The following SRGAP3 variants were observed in gnomAD, a reference collection of about 807,000 sequenced individuals.
SRGAP3 encodes the protein SLIT-ROBO Rho GTPase-activating protein 3.
A neutral mutation model predicts 121.1 loss-of-function variants in SRGAP3; 39 were observed. That is an observed-to-expected ratio of 0.32 (90% CI 0.25 to 0.42). The LOEUF (loss-of-function observed/expected upper bound fraction) is 0.42. Ranked by LOEUF, SRGAP3 falls within the 10% of genes least tolerant of loss-of-function variation. The probability of loss-of-function intolerance (pLI) is 1.00; values close to 1 mark genes in which losing one functional copy is unlikely to be tolerated. For missense variants in SRGAP3, 1,213 were observed against 1,470.6 expected (o/e 0.82, Z 2.86); for synonymous variants, 601 against 570.0 (o/e 1.05, Z -0.77).
chr3:9,300,604 G>C lies in SRGAP3; in HGVS notation n.442+25406C>G, dbSNP rs562372963. ...GCCAGCAAAGCATGGCATATACCAA[G>C]CTCTTAAGATGTGTTCCAGGAAGGG... On this transcript the variant is annotated intron_variant and non_coding_transcript_variant, in intron 3 of 3. Coordinates refer to the SRGAP3 transcript ENST00000490889. Among the ~76,000 whole-genome samples the C allele has an allele frequency of 9.2e-5, 14 of 152,296 alleles. No homozygotes were observed. The South Asian group carries it at 2.5e-3, about 27-fold the overall frequency.
intron 2 of SRGAP3, among the ~76,000 whole-genome samples, chr3:9,121,749 A>T (rs554179622): frequency 6.6e-6 from 1 of 152,326 alleles, no homozygotes; most frequent in South Asian, 2.1e-4. Flanking sequence ...CCCTATGTGC[A>T]CACTGAGAAT....
chr3:9,121,572 C>T (rs1169123986), intron 2 of SRGAP3, among the ~76,000 whole-genome samples: 3 of 152,210 alleles, frequency 2.0e-5, no homozygotes, highest in Non-Finnish European at 4.4e-5. Flanking sequence ...CCTAATTAGA[C>T]TTTCATAGTG....
intron 1 of SRGAP3, among the ~76,000 whole-genome samples, chr3:9,203,377 T>C (rs952788009): frequency 2.6e-5 from 4 of 152,244 alleles, no homozygotes; most frequent in East Asian, 1.9e-4. Flanking sequence ...TATCTATACA[T>C]TGATAACTAA....
At chr3:9,072,210 G>A (rs1353099856) in intron 4 of SRGAP3, among the ~76,000 whole-genome samples, 7 of 152,088 alleles carry the variant, frequency 4.6e-5, no homozygotes, top group African/African-American at 9.7e-5. Context: ...TTCCCACCGC[G>A]CTAAGTGCTG....
At chr3:9,294,872 C>T (rs1954927454) in intron 3 of SRGAP3, among the ~76,000 whole-genome samples, 1 of 152,228 alleles carries the variant, frequency 6.6e-6, no homozygotes, top group African/African-American at 2.4e-5. Context: ...ATGCCAAATG[C>T]CAATAAAATA....
intron 9 of SRGAP3, among the ~76,000 whole-genome samples, chr3:9,050,290 G>A (rs1238191036): frequency 6.6e-6 from 1 of 152,214 alleles, no homozygotes; most frequent in African/African-American, 2.4e-5. Context: ...AAGCAGAGCT[G>A]AGGGGTAAGC....
chr3:9,328,321 C>T (rs555627561), intron 2 of SRGAP3, among the ~76,000 whole-genome samples: 4 of 152,106 alleles, frequency 2.6e-5, no homozygotes, highest in Admixed American at 1.3e-4. Flanking sequence ...AGTAGTTGTA[C>T]GATTTTTCAT....
intron 4 of SRGAP3, among the ~76,000 whole-genome samples, chr3:9,068,001 T>C (rs1035541779): frequency 6.6e-6 from 1 of 152,120 alleles, no homozygotes; most frequent in African/African-American, 2.4e-5. Context: ...GCTGCGGCTG[T>C]CTCCAGGACC....
At chr3:9,017,176 T>C (rs925875299) in intron 14 of SRGAP3, among the ~76,000 whole-genome samples, 3 of 152,200 alleles carry the variant, frequency 2.0e-5, no homozygotes, top group Admixed American at 6.5e-5. Flanking sequence ...GGTGTGCTCA[T>C]TGCTACAGAA....
At chr3:9,003,507 A>AAACAAACAAAC (rs1559885584) in intron 18 of SRGAP3, among the ~76,000 whole-genome samples, 3 of 75,046 alleles carry the variant, frequency 4.0e-5, no homozygotes, top group African/African-American at 1.6e-4. Flanking sequence ...AACAAACAAA[A>AAACAAACAAAC]AAATCACTAG....
At chr3:9,330,387 T>C (rs1268018039) in intron 2 of SRGAP3, 1 of 152,166 alleles carries the variant, frequency 6.6e-6, no homozygotes, top group Non-Finnish European at 1.5e-5. Context: ...CAAACCCAGT[T>C]TGGATCAGAA....
intron 1 of SRGAP3, among the ~76,000 whole-genome samples, chr3:9,244,275 A>G (rs1953748183): frequency 6.6e-6 from 1 of 152,146 alleles, no homozygotes; most frequent in African/African-American, 2.4e-5. Flanking sequence ...TGTGTCTCTC[A>G]CAACACTCAG....
intron 1 of SRGAP3, among the ~76,000 whole-genome samples, chr3:9,354,055 T>C (rs140443762): frequency 6.2e-4 from 94 of 152,260 alleles, no homozygotes; most frequent in Middle Eastern, 3.4e-3. Context: ...AATATATCCC[T>C]TACACTTAAA....
chr3:9,266,772 C>T (rs4684635), intron 3 of SRGAP3, among the ~76,000 whole-genome samples: 1 of 152,004 alleles, frequency 6.6e-6, no homozygotes, highest in Non-Finnish European at 1.5e-5. Flanking sequence ...GGCAATACCC[C>T]CTGTGAGGAG....
chr3:8,982,934 CA>C lies in SRGAP3; in HGVS notation c.*2584del. The C allele has an allele frequency of 4.4e-6, 1 of 226,548 alleles. No homozygotes were observed. Among genetic ancestry groups the C allele is most frequent in the Non-Finnish European group, 8.8e-6 (1 of 114,068 alleles). The allele number at this position is 226,548 out of a possible 1,614,324, so 14.0% of individuals were successfully genotyped here. A position where few individuals can be genotyped will look rare whatever the true frequency, so the allele number is the denominator to read the frequency against. On this transcript the variant is annotated 3_prime_UTR_variant, in exon 22 of 22. Coordinates refer to ENST00000383836, the MANE Select transcript of SRGAP3 (RefSeq NM_014850.4). Reference sequence around the variant, plus strand: ...AGGTCCATTTTCAGTAAGAAAAAAACAAAATCAGTCAATTCAGAGAAAAATC... The same window carrying C: ...AGGTCCATTTTCAGTAAGAAAAAAACAAATCAGTCAATTCAGAGAAAAATC...
chr3:9,155,606 C>T (rs139764521), intron 1 of SRGAP3, among the ~76,000 whole-genome samples: 43 of 152,250 alleles, frequency 2.8e-4, no homozygotes, highest in African/African-American at 9.9e-4. Flanking sequence ...GGTTGGGTCT[C>T]TCATGAATTC....
chr3:9,259,935 TCCAACTGAGGTAC>T (rs994692313), intron 3 of SRGAP3, among the ~76,000 whole-genome samples: 1 of 151,396 alleles, frequency 6.6e-6, no homozygotes, highest in Admixed American at 6.6e-5. Flanking sequence ...CTTCTGCATT[TCCAACTGAGGTAC>T]CCACCTCATC....
At chr3:9,341,662 T>G (rs985421656) in intron 1 of SRGAP3, among the ~76,000 whole-genome samples, 1 of 152,114 alleles carries the variant, frequency 6.6e-6, no homozygotes, top group African/African-American at 2.4e-5. Flanking sequence ...TACATTTGTT[T>G]GTTTGTTTGT....
At position 9,172,934 on chromosome 3, in the gene SRGAP3, G is replaced by C. The variant is rs191927022; in HGVS notation, c.68-48017C>G. Among the ~76,000 whole-genome samples, 33 of 152,362 alleles carry C rather than the reference G, an allele frequency of 2.2e-4. No homozygotes were observed. In the Middle Eastern group the frequency reaches 0.014, roughly 63 times the overall value. On this transcript the variant is annotated intron_variant, in intron 1 of 21. Coordinates refer to ENST00000383836, the MANE Select transcript of SRGAP3 (RefSeq NM_014850.4). The stretch of plus-strand genomic sequence containing the variant: ...CTCTAGGTGGCACAGGGACGCCGCA[G>C]GCAGGAAGGCCAGAGGGAGAAGTAA...
Sources: allele counts gnomAD v4.1 joint callset (sites outside exome capture counted in the v4.1 genomes callset), GRCh38; gene constraint gnomAD v4.1.1; transcripts MANE v1.5; gene names NCBI Gene and HGNC (gene_info 2026-07-23, HGNC 2026-07-21).